CCDC181: variants seen among roughly 807,000 people sequenced by gnomAD.
CCDC181 encodes coiled-coil domain-containing protein 181.
A neutral mutation model predicts 58.7 loss-of-function variants in CCDC181; 35 were observed. The observed-to-expected ratio is 0.60, with a 90% CI of 0.46 to 0.79. The LOEUF is 0.79. Ranked by LOEUF, CCDC181 falls within the 30% of genes least tolerant of loss-of-function variation. The pLI is 0.00. For synonymous variants in CCDC181, 183 were observed against 197.5 expected, an observed-to-expected ratio of 0.93 and a Z score of 0.62; for missense variants, 517 against 583.9, an observed-to-expected ratio of 0.89 and a Z score of 1.18.
chr1:169,402,227 A>G (rs12037926), intron 4 of CCDC181, among the ~76,000 whole-genome samples: 12,837 of 152,222 alleles, frequency 0.084, 737 homozygotes, highest in Admixed American at 0.19. Context: ...GTTAGAAAAC[A>G]CTCTTCTGGA....
At chr1:169,399,090 T>G (rs1156986421) in intron 4 of CCDC181, among the ~76,000 whole-genome samples, 1 of 152,226 alleles carries the variant, frequency 6.6e-6, no homozygotes, top group Non-Finnish European at 1.5e-5. Context: ...ATAACCTTGC[T>G]GGCCATGGTA....
At chr1:169,438,864 A>G (rs1039911214) in intron 2 of CCDC181, among the ~76,000 whole-genome samples, 1 of 152,170 alleles carries the variant, frequency 6.6e-6, no homozygotes, top group Non-Finnish European at 1.5e-5. Context: ...CCCTTCACAT[A>G]TACAAAAACA....
chr1:169,404,121 G>A (rs560476039), intron 4 of CCDC181, among the ~76,000 whole-genome samples: 2 of 152,254 alleles, frequency 1.3e-5, no homozygotes, highest in South Asian at 4.1e-4. Flanking sequence ...GGAAGAAGCT[G>A]AATCCCTGAA....
At chr1:169,400,773 C>A (rs574877236) in intron 4 of CCDC181, among the ~76,000 whole-genome samples, 21 of 152,304 alleles carry the variant, frequency 1.4e-4, no homozygotes, top group African/African-American at 5.1e-4. Flanking sequence ...GTGATTTCTG[C>A]ATTTCCAACT....
chr1:169,397,184 T>A, intron 5 of CCDC181, 53 bp downstream of exon 5: 2 of 1,459,342 alleles, frequency 1.4e-6, no homozygotes, highest in Non-Finnish European at 1.8e-6. Context: ...GATATAACTT[T>A]TAAAATGAAC....
chr1:169,457,716 A>G (rs1463290118), intron 2 of CCDC181, among the ~76,000 whole-genome samples: 1 of 152,168 alleles, frequency 6.6e-6, no homozygotes, highest in African/African-American at 2.4e-5. Flanking sequence ...TAACCTAGCC[A>G]TTGAGCTTTT....
At chr1:169,419,552 G>T (rs1656372734) in intron 3 of CCDC181, among the ~76,000 whole-genome samples, 1 of 152,164 alleles carries the variant, frequency 6.6e-6, no homozygotes, top group Non-Finnish European at 1.5e-5. Flanking sequence ...TGAACAGAAG[G>T]AAGGGAGGAA....
At chr1:169,416,604 A>G (rs1187849688) in intron 4 of CCDC181, among the ~76,000 whole-genome samples, 1 of 152,164 alleles carries the variant, frequency 6.6e-6, no homozygotes, top group Non-Finnish European at 1.5e-5. Flanking sequence ...GAATTTTTAA[A>G]AAGAAATTAT....
At chr1:169,405,835 A>G (rs1004314973) in intron 4 of CCDC181, among the ~76,000 whole-genome samples, 9 of 152,242 alleles carry the variant, frequency 5.9e-5, no homozygotes, top group African/African-American at 1.9e-4. Flanking sequence ...GCTTCTGCAC[A>G]GCAAAAGAAA....
intron 3 of CCDC181, among the ~76,000 whole-genome samples, chr1:169,419,760 T>C (rs1656378325): frequency 6.6e-6 from 1 of 152,216 alleles, no homozygotes. Context: ...GATGATTATC[T>C]TTCCAAGGGG....
chr1:169,446,155 A>G (rs1157020560), intron 2 of CCDC181, among the ~76,000 whole-genome samples: 1 of 151,934 alleles, frequency 6.6e-6, no homozygotes, highest in Non-Finnish European at 1.5e-5. Context: ...GTTTAAACTG[A>G]CCTTCTTAGG....
chr1:169,396,110 T>C (rs1012165693), intron 5 of CCDC181: 4 of 152,168 alleles, frequency 2.6e-5, no homozygotes, highest in Non-Finnish European at 5.9e-5. Context: ...TATTTTGAAA[T>C]TGTAAATACA....
intron 2 of CCDC181, among the ~76,000 whole-genome samples, chr1:169,437,050 A>G (rs1050955158): frequency 5.9e-5 from 9 of 152,134 alleles, no homozygotes; most frequent in Admixed American, 5.2e-4. Flanking sequence ...AGTCTCCCCA[A>G]GCGTTCAGGG....
intron 2 of CCDC181, among the ~76,000 whole-genome samples, chr1:169,435,850 A>G (rs919469605): frequency 7.2e-5 from 11 of 152,204 alleles, no homozygotes; most frequent in African/African-American, 2.7e-4. Context: ...TAATGTATCA[A>G]TTTCAAATAA....
At chr1:169,419,612 C>G (rs1315807168) in intron 3 of CCDC181, among the ~76,000 whole-genome samples, 5 of 152,098 alleles carry the variant, frequency 3.3e-5, no homozygotes, top group Non-Finnish European at 7.4e-5. Flanking sequence ...TACCTATATA[C>G]TATTTTCTGA....
chr1:169,414,574 G>A (rs1034883530), intron 4 of CCDC181, among the ~76,000 whole-genome samples: 1 of 152,106 alleles, frequency 6.6e-6, no homozygotes, highest in Non-Finnish European at 1.5e-5. Flanking sequence ...ACATTTTCAT[G>A]TGTGTGTATA....
At chr1:169,418,732 G>C (rs1656325020) in intron 4 of CCDC181, 1 of 436,008 alleles carries the variant, frequency 2.3e-6, no homozygotes, top group East Asian at 3.8e-5. Flanking sequence ...GTGTATCTTT[G>C]CCCTGTTTGA....
chr1:169,444,432 G>C (rs1435987300), intron 2 of CCDC181, among the ~76,000 whole-genome samples: 1 of 152,134 alleles, frequency 6.6e-6, no homozygotes, highest in African/African-American at 2.4e-5. Flanking sequence ...TGATGTAAGT[G>C]ACAGGGCCTT....
chr1:169,436,964 T>C (rs990433001), intron 2 of CCDC181, among the ~76,000 whole-genome samples: 2 of 152,084 alleles, frequency 1.3e-5, no homozygotes, highest in African/African-American at 4.8e-5. Context: ...AAATGATTTC[T>C]ACAAAGTGTT....
Sources: allele counts gnomAD v4.1 joint callset (sites outside exome capture counted in the v4.1 genomes callset), GRCh38; gene constraint gnomAD v4.1.1; transcripts MANE v1.5; gene names NCBI Gene and HGNC (gene_info 2026-07-23, HGNC 2026-07-21).